PLCG2: variants seen among roughly 807,000 people sequenced by gnomAD.
PLCG2 encodes 1-phosphatidylinositol 4,5-bisphosphate phosphodiesterase gamma-2.
In PLCG2, 69 loss-of-function variants were observed where a neutral mutation model predicts 175.6. That is an observed-to-expected ratio of 0.39 (90% CI 0.32 to 0.48). The LOEUF (loss-of-function observed/expected upper bound fraction) is 0.48, where lower values mean the gene tolerates loss of function less well. PLCG2 is among the 20% of genes least tolerant of loss of function. The pLI, the probability that PLCG2 is intolerant of heterozygous loss-of-function variation, is 0.91. For missense variants in PLCG2, 1,798 were observed against 1,650.9 expected (o/e 1.09, Z -1.54); for synonymous variants, 827 against 624.0 (o/e 1.33, Z -4.85).
chr16:81,931,312 A>G (rs1415579894), intron 24 of PLCG2, 185 bp from the exon 25 acceptor site: 2 of 489,116 alleles, frequency 4.1e-6, no homozygotes, highest in Admixed American at 3.5e-5. Flanking sequence ...AATCTACTGC[A>G]TCCCTTGAGT....
intron 14 of PLCG2, among the ~76,000 whole-genome samples, chr16:81,902,162 G>C (rs1000685407): frequency 6.6e-6 from 1 of 152,210 alleles, no homozygotes; most frequent in African/African-American, 2.4e-5. Context: ...TACCTGCAAG[G>C]ACTGTGGAAT....
chr16:81,938,069 T>G (rs988107460), intron 28 of PLCG2, among the ~76,000 whole-genome samples, 166 bp downstream of exon 28: 2 of 152,032 alleles, frequency 1.3e-5, no homozygotes, highest in Non-Finnish European at 2.9e-5. Context: ...TACAGTACAC[T>G]CCGGGGTCGT....
At chr16:81,924,643 C>A (rs529698225) in intron 22 of PLCG2, among the ~76,000 whole-genome samples, 1 of 152,308 alleles carries the variant, frequency 6.6e-6, no homozygotes, top group African/African-American at 2.4e-5. Flanking sequence ...ATGCCTTAAT[C>A]CAGGGATTAT....
chr16:81,767,125 A>C (rs924733560), intron 2 of PLCG2, among the ~76,000 whole-genome samples: 2 of 141,922 alleles, frequency 1.4e-5, no homozygotes, highest in Non-Finnish European at 3.0e-5. Flanking sequence ...CATTCAACTG[A>C]TAAACTCGTG....
Position 81,960,124 on chromosome 16 carries a change from C to A in PLCG2, c.*2126C>A, listed in dbSNP as rs777495893. ...AAACTGTCTCCTTCTCCTGGTGCTA[C>A]AACCGGAATCCACCATGAGAGAGTA... On this transcript the variant is annotated 3_prime_UTR_variant, in exon 33 of 33. Transcript: ENST00000564138. 3 of 219,688 alleles carry A rather than the reference C, an allele frequency of 1.4e-5. No homozygotes were observed. The highest frequency in any genetic ancestry group is 2.7e-5 in the Non-Finnish European group (3 of 109,620). 13.6% of individuals were successfully genotyped at this position (219,688 alleles called of 1,614,324 possible). A position where few individuals can be genotyped will look rare whatever the true frequency, so the allele number is the denominator to read the frequency against.
At chr16:81,854,671 C>G in intron 3 of PLCG2, 84 bp downstream of exon 3, 2 of 1,214,210 alleles carry the variant, frequency 1.6e-6, no homozygotes, top group African/African-American at 1.5e-5. Flanking sequence ...AATGCTCACC[C>G]CTGCCTGCTC....
intron 2 of PLCG2, among the ~76,000 whole-genome samples, chr16:81,825,327 C>T (rs1274627688): frequency 7.7e-6 from 1 of 130,362 alleles, no homozygotes; most frequent in African/African-American, 2.9e-5. Flanking sequence ...CTCACTCTGT[C>T]ACCCAGGCTG....
In PLCG2 at chr16:81,760,566, G is replaced by A. The variant is rs187206020; in HGVS notation, c.-48+4600G>A. On this transcript the variant is annotated intron_variant, in intron 2 of 5. Coordinates refer to the PLCG2 transcript ENST00000565054. ...TTATATGGGGAGGCAGTCAAACATA[G>A]GAGGTCAAATTTTGCTGGGCACCCA... Among the ~76,000 whole-genome samples the A allele has an allele frequency of 1.8e-3, 281 of 152,012 alleles. 1 individual carries two copies. Among genetic ancestry groups the A allele is most frequent in the Middle Eastern group, 3.4e-3 (1 of 292 alleles).
intron 5 of PLCG2, among the ~76,000 whole-genome samples, chr16:81,860,538 A>G (rs1906929836): frequency 2.0e-5 from 3 of 152,140 alleles, no homozygotes; most frequent in Admixed American, 2.0e-4. Flanking sequence ...TTGTGCCATT[A>G]GACTTTGATC....
intron 22 of PLCG2, among the ~76,000 whole-genome samples, chr16:81,925,265 G>C (rs1354777273): frequency 6.6e-6 from 1 of 152,310 alleles, no homozygotes; most frequent in East Asian, 1.9e-4. Flanking sequence ...GGCCGCCTGG[G>C]TGAAACCGGC....
intron 2 of PLCG2, among the ~76,000 whole-genome samples, chr16:81,832,657 G>T (rs1193107222): frequency 6.6e-6 from 1 of 152,236 alleles, no homozygotes; most frequent in Non-Finnish European, 1.5e-5. Flanking sequence ...TCCTGCCTCA[G>T]CCTCCCTTAG....
intron 2 of PLCG2, among the ~76,000 whole-genome samples, chr16:81,815,500 A>G (rs1198397006): frequency 6.6e-6 from 1 of 152,148 alleles, no homozygotes; most frequent in Non-Finnish European, 1.5e-5. Context: ...TAACACTGCC[A>G]TGGTTGGGGG....
intron 2 of PLCG2, among the ~76,000 whole-genome samples, chr16:81,820,852 G>T (rs1170175985): frequency 6.7e-6 from 1 of 148,840 alleles, no homozygotes; most frequent in Non-Finnish European, 1.5e-5. Flanking sequence ...AACTCCTGAC[G>T]TCAAATGATC....
chr16:81,772,440 A>G (rs771198044), intron 2 of PLCG2, among the ~76,000 whole-genome samples: 3 of 152,088 alleles, frequency 2.0e-5, no homozygotes, highest in South Asian at 2.1e-4. Flanking sequence ...CACCAAGTTC[A>G]TGGTAATTTG....
chr16:81,760,081 G>A lies in PLCG2; in HGVS notation c.-48+4115G>A, dbSNP rs148626477. 6.0e-3 allele frequency among the ~76,000 whole-genome samples: 917 copies of A among 152,342 alleles called. 8 individuals are homozygous for A. Among genetic ancestry groups the A allele is most frequent in the Non-Finnish European group, 7.7e-3 (527 of 68,032 alleles). On this transcript the variant is annotated intron_variant, in intron 2 of 5. Coordinates refer to the PLCG2 transcript ENST00000565054. ...GCGGAGCTTGCAGTGAGCCGAGATC[G>A]CGCCACTGCTCATCTATCAGTTGTA...
chr16:81,942,609 A>C (rs758788048), intron 30 of PLCG2, among the ~76,000 whole-genome samples: 6 of 152,170 alleles, frequency 3.9e-5, no homozygotes, highest in Non-Finnish European at 8.8e-5. Flanking sequence ...TGTGTTAGGT[A>C]CCTTAAACTC....
chr16:81,850,483 C>G (rs968977458), intron 2 of PLCG2, among the ~76,000 whole-genome samples: 18 of 152,110 alleles, frequency 1.2e-4, no homozygotes, highest in Non-Finnish European at 1.8e-4. Flanking sequence ...GGCGACATGT[C>G]CATCTTTTAC....
chr16:81,793,760 A>T (rs182873499), intron 2 of PLCG2, among the ~76,000 whole-genome samples: 53 of 152,088 alleles, frequency 3.5e-4, no homozygotes, highest in Non-Finnish European at 1.2e-4. Flanking sequence ...ATCAAAGATA[A>T]CTCCTTAATC....
At chr16:81,887,983 T>A (rs1597109098) in intron 9 of PLCG2, among the ~76,000 whole-genome samples, 1 of 152,230 alleles carries the variant, frequency 6.6e-6, no homozygotes, top group African/African-American at 2.4e-5. Flanking sequence ...CCTATTCTTT[T>A]GAAAAGAGGG....
Sources: allele counts gnomAD v4.1 joint callset (sites outside exome capture counted in the v4.1 genomes callset), GRCh38; gene constraint gnomAD v4.1.1; transcripts MANE v1.5; gene names NCBI Gene and HGNC (gene_info 2026-07-23, HGNC 2026-07-21).